The following SRPRA variants were observed in gnomAD, a reference collection of about 807,000 sequenced individuals.
SRPRA encodes the protein SRP receptor subunit alpha, also known as signal recognition particle receptor subunit alpha.
A neutral mutation model predicts 61.1 loss-of-function variants in SRPRA; 30 were observed. The observed-to-expected ratio is 0.49, with a 90% CI of 0.37 to 0.67. The LOEUF (loss-of-function observed/expected upper bound fraction) is 0.67. Among genes scored for constraint, SRPRA ranks in the 30% least tolerant of loss-of-function variants. The pLI, the probability that SRPRA is intolerant of heterozygous loss-of-function variation, is 0.00. For synonymous variants in SRPRA, 324 were observed against 299.7 expected, an observed-to-expected ratio of 1.08 and a Z score of -0.84; for missense variants, 759 against 828.4, an observed-to-expected ratio of 0.92 and a Z score of 1.03.
downstream of SRPRA, chr11:126,262,414 A>C (rs1380921109): frequency 1.0e-5 from 5 of 485,766 alleles, no homozygotes; most frequent in African/African-American, 2.0e-5. Flanking sequence ...TTGTGTCCAC[A>C]CAGCACACCA....
chr11:126,241,130 C>G, the SRPRA span: 1 of 1,354,124 alleles, frequency 7.4e-7, no homozygotes, highest in Non-Finnish European at 1.0e-6. Flanking sequence ...TCAAAACTAG[C>G]ATGCCAAATG....
Position 126,266,939 on chromosome 11 carries a change from T to C in SRPRA, c.527-17A>G. 1 of 1,604,468 alleles carries C rather than the reference T, an allele frequency of 6.2e-7. No individual in the cohort carries two copies. The highest frequency in any genetic ancestry group is 8.5e-7 in the Non-Finnish European group (1 of 1,176,824). On this transcript the variant is annotated splice_polypyrimidine_tract_variant and intron_variant, in intron 4 of 13. Transcript: ENST00000332118. ...CATCAGAACCTGTTGGGGAAAAAACTCACTGAAGAAAAAAGAAGACCAATC... is the reference window on the plus strand; with the variant it reads ...CATCAGAACCTGTTGGGGAAAAAACCCACTGAAGAAAAAAGAAGACCAATC...
Position 126,264,178 on chromosome 11 carries a change from G to C in SRPRA, c.1788+13C>G. The stretch of plus-strand genomic sequence containing the variant: ...TGCAGGACGCCCATTCCAGCCTCCA[G>C]TCTCACGTTTACCTTGTCATCAATG... On this transcript the variant is annotated intron_variant, in intron 13 of 13. Coordinates refer to ENST00000332118, the MANE Select transcript of SRPRA (RefSeq NM_003139.4). The surrounding 1 kb of genome is among the most constrained non-coding windows in gnomAD (Gnocchi z 5.0). The C allele has an allele frequency of 1.2e-6, 2 of 1,613,674 alleles. No homozygotes were observed. The highest frequency in any genetic ancestry group is 1.7e-6 in the Non-Finnish European group (2 of 1,179,712).
the SRPRA span, among the ~76,000 whole-genome samples, chr11:126,244,213 G>A: frequency 6.6e-6 from 1 of 152,138 alleles, no homozygotes; most frequent in Non-Finnish European, 1.5e-5. The surrounding 1 kb of genome is among the most constrained non-coding windows in gnomAD (Gnocchi z 4.5). Context: ...CTCCACTCCT[G>A]TCCAACATGG....
At chr11:126,255,498 C>G in the SRPRA span, among the ~76,000 whole-genome samples, 2 of 152,162 alleles carry the variant, frequency 1.3e-5, no homozygotes, top group Non-Finnish European at 2.9e-5. This position sits in a 1 kb window ranked among gnomAD's most constrained non-coding sequence, Gnocchi z 4.6. Flanking sequence ...TATACACACA[C>G]ACACACATAC....
downstream of SRPRA, chr11:126,262,444 C>T (rs993760364): frequency 2.9e-5 from 11 of 381,238 alleles, no homozygotes; most frequent in South Asian, 1.2e-4. Flanking sequence ...TTCCACTGAC[C>T]GGCTGCAGCT....
chr11:126,241,976 G>A, the SRPRA span, among the ~76,000 whole-genome samples: 2 of 149,598 alleles, frequency 1.3e-5, no homozygotes, highest in Admixed American at 6.7e-5. Context: ...ACTGAGTTGC[G>A]GTCGCGCCAC....
In SRPRA at chr11:126,265,741, G is replaced by A. The variant is rs565989865; in HGVS notation, c.1134C>T (p.Phe378=). 1.9e-6 allele frequency: 3 copies of A among 1,614,050 alleles called. No individual in the cohort carries two copies. Among genetic ancestry groups the A allele is most frequent in the African/African-American group, 2.7e-5 (2 of 74,912 alleles). The change falls in exon 9 of 14, where the codon TTC becomes TTT. Residue 378 remains phenylalanine, a synonymous_variant. Transcript: ENST00000332118. This position sits in a 1 kb window ranked among gnomAD's most constrained non-coding sequence, Gnocchi z 6.3. The part of the protein sequence containing the change: ...NKLEGKVMGT[F]STVTSTVKQA... The stretch of plus-strand genomic sequence containing the variant: ...CTCACTTAGGTAAGTACTTACTGCT[G>A]AACGTCCCCATCACCTTCCCTTCCA...
At chr11:126,239,425 G>GT in the SRPRA span, among the ~76,000 whole-genome samples, 1 of 152,154 alleles carries the variant, frequency 6.6e-6, no homozygotes, top group Non-Finnish European at 1.5e-5. Flanking sequence ...TTTTCTATGT[G>GT]TGTGTATATT....
the SRPRA span, among the ~76,000 whole-genome samples, chr11:126,251,728 C>T: frequency 6.7e-6 from 1 of 150,006 alleles, no homozygotes; most frequent in Non-Finnish European, 1.5e-5. Flanking sequence ...TATTAACTTG[C>T]AGCTTTTTTT....
Position 126,264,542 on chromosome 11 carries a change from A to G in SRPRA, c.1526-3T>C. The G allele has an allele frequency of 6.2e-7, 1 of 1,612,292 alleles. No individual in the cohort carries two copies. The highest frequency in any genetic ancestry group is 1.1e-5 in the South Asian group (1 of 90,992). The stretch of plus-strand genomic sequence containing the variant: ...CACGTCAAAGCCTTGGTTACGTGCT[A>G]GAGAAAGAAAGTAGTCAACTCTGAA... On this transcript the variant is annotated splice_region_variant and splice_polypyrimidine_tract_variant and intron_variant, in intron 11 of 13. Transcript: ENST00000332118. This position sits in a 1 kb window ranked among gnomAD's most constrained non-coding sequence, Gnocchi z 5.0.
At chr11:126,237,411 T>A in the SRPRA span, among the ~76,000 whole-genome samples, 1 of 117,486 alleles carries the variant, frequency 8.5e-6, no homozygotes, top group Admixed American at 8.3e-5. Flanking sequence ...TATTTATTTA[T>A]TTTTTAAATA....
chr11:126,265,907 T>C lies in SRPRA; in HGVS notation c.1051+56A>G. On this transcript the variant is annotated intron_variant, in intron 8 of 13. Transcript: ENST00000332118. This position sits in a 1 kb window ranked among gnomAD's most constrained non-coding sequence, Gnocchi z 6.3. ...ACAGGTGAGAAACGCTAGGTGATTCTGCTCTCAACTACCCCTATCCCGCGA... is the reference window on the plus strand; with the variant it reads ...ACAGGTGAGAAACGCTAGGTGATTCCGCTCTCAACTACCCCTATCCCGCGA... 1 of 1,610,216 alleles carries C rather than the reference T, an allele frequency of 6.2e-7. No individual in the cohort carries two copies. The highest frequency in any genetic ancestry group is 1.1e-5 in the South Asian group (1 of 91,028).
chr11:126,243,835 C>A, the SRPRA span, among the ~76,000 whole-genome samples: 2 of 150,142 alleles, frequency 1.3e-5, no homozygotes, highest in African/African-American at 4.9e-5. Flanking sequence ...ACCCGGGAGG[C>A]AGGGGCTGCA....
In SRPRA at chr11:126,267,328, C is replaced by G; in HGVS notation, c.373G>C (p.Glu125Gln). Residue 125 changes from glutamate to glutamine, a missense_variant, in exon 4 of 14, where the codon GAG (glutamate) becomes CAG (glutamine). Transcript: ENST00000332118. The surrounding 1 kb of genome is among the most constrained non-coding windows in gnomAD (Gnocchi z 4.2). ...NDFLRLLREA[E>Q]ESSKIRAPTT... ...GGAGCACGGATCTTACTGCTCTCCTCTGCTTCACTAAACAAAAAGGAGAAT... is the reference window on the plus strand; with the variant it reads ...GGAGCACGGATCTTACTGCTCTCCTGTGCTTCACTAAACAAAAAGGAGAAT... 4 of 1,613,568 alleles carry G rather than the reference C, an allele frequency of 2.5e-6. No homozygotes were observed. The highest frequency in any genetic ancestry group is 3.4e-6 in the Non-Finnish European group (4 of 1,179,898).
At chr11:126,250,694 G>A in the SRPRA span, 2 of 1,614,074 alleles carry the variant, frequency 1.2e-6, no homozygotes, top group Admixed American at 1.7e-5. The surrounding 1 kb of genome is among the most constrained non-coding windows in gnomAD (Gnocchi z 5.1). Flanking sequence ...CAGATCAGGG[G>A]AAACAGCTTG....
In SRPRA at chr11:126,263,761, G is replaced by C; in HGVS notation, c.*155C>G. On this transcript the variant is annotated 3_prime_UTR_variant, in exon 14 of 14. Transcript: ENST00000332118. ...CTTCCTTGCAGATGGCGGCTGTGCTGAACGGGGAGTGGGGTTGGAAGGAGC... is the reference window on the plus strand; with the variant it reads ...CTTCCTTGCAGATGGCGGCTGTGCTCAACGGGGAGTGGGGTTGGAAGGAGC... 1 of 1,060,140 alleles carries C rather than the reference G, an allele frequency of 9.4e-7. No individual in the cohort carries two copies. The highest frequency in any genetic ancestry group is 1.4e-6 in the Non-Finnish European group (1 of 733,002). The allele number at this position is 1,060,140 out of a possible 1,614,324, so 65.7% of individuals were successfully genotyped here.
At chr11:126,240,739 G>A in the SRPRA span, 1 of 1,503,232 alleles carries the variant, frequency 6.7e-7, no homozygotes, top group South Asian at 1.4e-5. Context: ...GTCTTTCTGT[G>A]TGCCTCATAT....
At position 126,266,500 on chromosome 11, in the gene SRPRA, A is replaced by G; in HGVS notation, c.816T>C (p.Ala272=). 1 of 1,614,086 alleles carries G rather than the reference A, an allele frequency of 6.2e-7. No individual in the cohort carries two copies. The highest frequency in any genetic ancestry group is 1.1e-5 in the South Asian group (1 of 91,074). ...STPTTNGTPE[A]ALSEDINLIR... ...CCAGGTTGATGTCCTCAGACAAGGCAGCCTCAGGGGTTCCATTGGTGGTGG... is the reference window on the plus strand; with the variant it reads ...CCAGGTTGATGTCCTCAGACAAGGCGGCCTCAGGGGTTCCATTGGTGGTGG... Residue 272 remains alanine (A), a synonymous_variant, in exon 6 of 14, where the codon GCT becomes GCC. Coordinates refer to ENST00000332118, the MANE Select transcript of SRPRA (RefSeq NM_003139.4).
Sources: allele counts gnomAD v4.1 joint callset (sites outside exome capture counted in the v4.1 genomes callset), GRCh38; gene constraint gnomAD v4.1.1; non-coding constraint Gnocchi (gnomAD v3.1); transcripts MANE v1.5; gene names NCBI Gene and HGNC (gene_info 2026-07-23, HGNC 2026-07-21).